PAPOLG: variants seen among roughly 807,000 people sequenced by gnomAD.
The protein encoded by PAPOLG is poly(A) polymerase gamma.
PAPOLG carries 40 observed loss-of-function variants against 99.0 expected under a neutral mutation model. The observed-to-expected ratio is 0.40, with a 90% CI of 0.31 to 0.53. PAPOLG has a LOEUF of 0.53. PAPOLG is among the 20% of genes least tolerant of loss of function. The pLI is 0.41. For missense variants in PAPOLG, 675 were observed against 884.1 expected, an observed-to-expected ratio of 0.76 and a Z score of 3.00; for synonymous variants, 310 against 299.3, an observed-to-expected ratio of 1.04 and a Z score of -0.37.
At chr2:60,786,242 T>C (rs1011647087) in intron 13 of PAPOLG, among the ~76,000 whole-genome samples, 1 of 152,090 alleles carries the variant, frequency 6.6e-6, no homozygotes, top group African/African-American at 2.4e-5. Context: ...ATTTATTTAT[T>C]TATTTAGAGA....
chr2:60,766,680 A>T (rs374777519), intron 3 of PAPOLG, among the ~76,000 whole-genome samples: 1 of 76,312 alleles, frequency 1.3e-5, no homozygotes, highest in Non-Finnish European at 3.2e-5. Context: ...CCATCTGTTT[A>T]AAAAAAAAAA....
chr2:60,760,537 G>C (rs1312904398), intron 2 of PAPOLG, among the ~76,000 whole-genome samples: 1 of 152,158 alleles, frequency 6.6e-6, no homozygotes, highest in African/African-American at 2.4e-5. Flanking sequence ...AAAAAGCTGA[G>C]GGGGTAGAGG....
In PAPOLG at chr2:60,793,673, G is replaced by T; in HGVS notation, c.1726G>T (p.Val576Leu). 1 of 1,613,856 alleles carries T rather than the reference G, an allele frequency of 6.2e-7. No individual in the cohort carries two copies. Among genetic ancestry groups the T allele is most frequent in the Non-Finnish European group, 8.5e-7 (1 of 1,179,822 alleles). ...TGTAATTGTGGAGAAGCCACTGAGT[G>T]TACCACCAGCCCAAGGACTTTCCAT... The part of the protein sequence containing the change: ...AAVIVEKPLS[V>L]PPAQGLSIPV... Residue 576 changes from valine to leucine, a missense_variant, in exon 18 of 22, where the codon GTA becomes TTA. By Grantham distance (32) the Val-to-Leu change is conservative. Around this residue, in one of 3 missense-constraint regions of PAPOLG, gnomAD observed 413 missense variants for 460.5 expected, o/e 0.90. Coordinates refer to ENST00000238714, the MANE Select transcript of PAPOLG (RefSeq NM_022894.4).
intron 15 of PAPOLG, among the ~76,000 whole-genome samples, chr2:60,788,212 T>TA (rs1383293922): frequency 6.6e-6 from 1 of 151,978 alleles, no homozygotes; most frequent in Non-Finnish European, 1.5e-5. Flanking sequence ...ATACTTAGTT[T>TA]AAAAAAAATG....
At chr2:60,782,651 T>C in intron 11 of PAPOLG, 35 bp from the exon 12 acceptor site, 3 of 1,389,384 alleles carry the variant, frequency 2.2e-6, no homozygotes, top group Non-Finnish European at 2.8e-6. Flanking sequence ...ATCATTCTTC[T>C]TCTTTTTTTT....
intron 4 of PAPOLG, 49 bp from the exon 5 acceptor site, chr2:60,768,732 G>A (rs1281908080): frequency 6.9e-7 from 1 of 1,450,838 alleles, no homozygotes; most frequent in Non-Finnish European, 9.3e-7. Flanking sequence ...CTTTAACAAA[G>A]AATATAACAC....
chr2:60,798,945 A>G lies in PAPOLG; in HGVS notation c.*1785A>G, dbSNP rs947343965. 3 of 152,384 alleles carry G rather than the reference A, an allele frequency of 2.0e-5. No homozygotes were observed. The highest frequency in any genetic ancestry group is 2.9e-5 in the Non-Finnish European group (2 of 68,040). 9.4% of individuals were successfully genotyped at this position (152,384 alleles called of 1,614,324 possible). On this transcript the variant is annotated 3_prime_UTR_variant, in exon 22 of 22. Coordinates refer to ENST00000238714, the MANE Select transcript of PAPOLG (RefSeq NM_022894.4). The stretch of plus-strand genomic sequence containing the variant: ...TATAGCAGCAAAAGATAAGAATAAA[A>G]TCACATAACCAAGTTGAAGCTTCCT...
At chr2:60,777,311 C>T (rs1014502800) in intron 8 of PAPOLG, among the ~76,000 whole-genome samples, 3 of 152,036 alleles carry the variant, frequency 2.0e-5, no homozygotes, top group Non-Finnish European at 4.4e-5. Flanking sequence ...CAAAAATTAG[C>T]CGAGTGTGGT....
intron 3 of PAPOLG, 49 bp from the exon 4 acceptor site, chr2:60,768,421 T>G (rs371616318): frequency 1.7e-5 from 27 of 1,593,366 alleles, no homozygotes; most frequent in Non-Finnish European, 2.3e-5. Flanking sequence ...GTGACTTTTA[T>G]GCTAAATAAT....
intron 7 of PAPOLG, among the ~76,000 whole-genome samples, chr2:60,773,153 T>G (rs866184842): frequency 4.6e-5 from 7 of 152,188 alleles, no homozygotes; most frequent in Middle Eastern, 3.4e-3. Flanking sequence ...CCTCAAACTC[T>G]CGATATCAGG....
At chr2:60,778,917 A>G (rs181810727) in intron 8 of PAPOLG, among the ~76,000 whole-genome samples, 127 of 152,244 alleles carry the variant, frequency 8.3e-4, no homozygotes, top group East Asian at 4.2e-3. Context: ...GACATAATAT[A>G]GATAGCTATA....
At chr2:60,768,416 T>C in intron 3 of PAPOLG, 54 bp from the exon 4 acceptor site, 1 of 1,589,458 alleles carries the variant, frequency 6.3e-7, no homozygotes, top group Non-Finnish European at 8.6e-7. Context: ...TTGAGGTGAC[T>C]TTTATGCTAA....
intron 20 of PAPOLG, 36 bp downstream of exon 20, chr2:60,794,811 T>TG: frequency 6.4e-7 from 1 of 1,563,532 alleles, no homozygotes; most frequent in Non-Finnish European, 8.8e-7. Flanking sequence ...GAATATTTAT[T>TG]GTAAAGCGCC....
At chr2:60,763,815 C>T (rs1670593919) in intron 3 of PAPOLG, among the ~76,000 whole-genome samples, 1 of 149,886 alleles carries the variant, frequency 6.7e-6, no homozygotes, top group Non-Finnish European at 1.5e-5. Flanking sequence ...TGGTTTTGTT[C>T]TTGTTTGAGA....
chr2:60,759,800 G>T (rs1670470274), intron 1 of PAPOLG, among the ~76,000 whole-genome samples: 2 of 152,174 alleles, frequency 1.3e-5, no homozygotes, highest in African/African-American at 4.8e-5. Flanking sequence ...ACTTAAGTCT[G>T]CAGGGTAGTG....
rs907919907 is a variant in PAPOLG, at chr2:60,799,725, A to G, written c.*2565A>G. On this transcript the variant is annotated 3_prime_UTR_variant, in exon 22 of 22. Coordinates refer to ENST00000238714, the MANE Select transcript of PAPOLG (RefSeq NM_022894.4). ...CTGCAACCTTCACCTCCCGAGTTCAAGCTATTCTCTTGCCTCAGCCTCCCA... is the reference window on the plus strand; with the variant it reads ...CTGCAACCTTCACCTCCCGAGTTCAGGCTATTCTCTTGCCTCAGCCTCCCA... 2 of 152,178 alleles carry G rather than the reference A, an allele frequency of 1.3e-5. No homozygotes were observed. Among genetic ancestry groups the G allele is most frequent in the Non-Finnish European group, 2.9e-5 (2 of 68,108 alleles). The allele number at this position is 152,178 out of a possible 1,614,324, so 9.4% of individuals were successfully genotyped here. A position where few individuals can be genotyped will look rare whatever the true frequency, so the allele number is the denominator to read the frequency against.
At chr2:60,756,760 A>G (rs1336925657) in intron 1 of PAPOLG, among the ~76,000 whole-genome samples, 1 of 152,220 alleles carries the variant, frequency 6.6e-6, no homozygotes, top group East Asian at 1.9e-4. Context: ...TGAGGAGGGA[A>G]AGAGGTGCCT....
chr2:60,763,893 C>A (rs1415806115), intron 3 of PAPOLG, among the ~76,000 whole-genome samples: 1 of 152,004 alleles, frequency 6.6e-6, no homozygotes, highest in Non-Finnish European at 1.5e-5. Context: ...AACCTCCACC[C>A]CTGTGTTCAA....
chr2:60,787,019 C>T lies in PAPOLG; in HGVS notation c.1239C>T (p.Ala413=). The T allele has an allele frequency of 6.2e-7, 1 of 1,612,354 alleles. No homozygotes were observed. Among genetic ancestry groups the T allele is most frequent in the East Asian group, 2.2e-5 (1 of 44,816 alleles). The change falls in exon 14 of 22, where the codon GCC becomes GCT. Residue 413 remains alanine (A), a synonymous_variant. Coordinates refer to ENST00000238714, the MANE Select transcript of PAPOLG (RefSeq NM_022894.4). Reference sequence around the variant, plus strand: ...AACGGAATGAATTTATTACTCTTGCCCATGTGAATCCCCAGTCATTCCCAG... The same window carrying T: ...AACGGAATGAATTTATTACTCTTGCTCATGTGAATCCCCAGTCATTCCCAG... ...NLERNEFITL[A]HVNPQSFPGN...
Sources: allele counts gnomAD v4.1 joint callset (sites outside exome capture counted in the v4.1 genomes callset), GRCh38; gene constraint gnomAD v4.1.1; regional missense constraint gnomAD v4.1.1; transcripts MANE v1.5; gene names NCBI Gene and HGNC (gene_info 2026-07-23, HGNC 2026-07-21).